Variants in OSMR observed in about 807,000 individuals in gnomAD.
The protein encoded by OSMR is oncostatin M receptor, also known as oncostatin-M-specific receptor subunit beta.
In OSMR, 81 loss-of-function variants were observed where a neutral mutation model predicts 99.9. The observed-to-expected ratio is 0.81, with a 90% CI of 0.68 to 0.97. OSMR has a LOEUF of 0.97. Ranked by LOEUF, OSMR falls within the 50% of genes least tolerant of loss-of-function variation. The pLI, the probability that OSMR is intolerant of heterozygous loss-of-function variation, is 0.00. For synonymous variants in OSMR, 406 were observed against 410.4 expected (o/e 0.99, Z 0.13); for missense variants, 1,099 against 1,153.4 (o/e 0.95, Z 0.68).
At chr5:38,931,741 G>A (rs928449896) in intron 15 of OSMR, 142 bp from the exon 16 acceptor site, 1 of 1,438,232 alleles carries the variant, frequency 7.0e-7, no homozygotes, top group African/African-American at 1.4e-5. Flanking sequence ...CTGAAGTCAG[G>A]CAGAATTCAT....
chr5:38,920,633 A>G (rs1746185196), intron 11 of OSMR, among the ~76,000 whole-genome samples: 2 of 152,216 alleles, frequency 1.3e-5, no homozygotes, highest in Non-Finnish European at 2.9e-5. Context: ...TTGATGCCCT[A>G]TAAAAATGAA....
At chr5:38,913,992 C>T (rs1292893703) in intron 9 of OSMR, among the ~76,000 whole-genome samples, 1 of 151,938 alleles carries the variant, frequency 6.6e-6, no homozygotes, top group Non-Finnish European at 1.5e-5. Context: ...TAAGGGAGGC[C>T]ATTTTCCACA....
At chr5:38,901,841 C>T (rs1435902931) in intron 7 of OSMR, among the ~76,000 whole-genome samples, 1 of 152,126 alleles carries the variant, frequency 6.6e-6, no homozygotes, top group Non-Finnish European at 1.5e-5. Context: ...GTTTGCTGGT[C>T]AATTTGACTA....
chr5:38,917,858 G>C (rs1746004280), intron 10 of OSMR, among the ~76,000 whole-genome samples: 1 of 152,072 alleles, frequency 6.6e-6, no homozygotes, highest in Admixed American at 6.5e-5. Context: ...TTCAACTCAG[G>C]CCAGGCTTGA....
In OSMR at chr5:38,931,939, G is replaced by T; in HGVS notation, c.2269G>T (p.Val757Phe). 6.2e-7 allele frequency: 1 copy of T among 1,613,336 alleles called. No homozygotes were observed. Among genetic ancestry groups the T allele is most frequent in the Non-Finnish European group, 8.5e-7 (1 of 1,179,428 alleles). Residue 757 changes from valine to phenylalanine, a missense_variant, in exon 16 of 18, where the codon GTC (valine) becomes TTC (phenylalanine). Transcript: ENST00000274276. ...PMVFCVLLIM[V>F]MCYLKSQWIK... is the part of the protein sequence containing the mutation. ...GGTTTTCTGCGTCTTGCTCATCATG[G>T]TCATGTGCTACTTGAAAAGTCAGTG...
intron 1 of OSMR, among the ~76,000 whole-genome samples, chr5:38,943,541 C>T (rs920458711): frequency 3.9e-5 from 6 of 152,210 alleles, no homozygotes; most frequent in South Asian, 2.1e-4. Flanking sequence ...TGGCTGGGCA[C>T]GGTGGCTCAT....
At chr5:38,885,547 T>A in intron 6 of OSMR, 63 bp downstream of exon 6, 1 of 1,596,452 alleles carries the variant, frequency 6.3e-7, no homozygotes, top group Non-Finnish European at 8.6e-7. Flanking sequence ...TGTGACAACA[T>A]GGCAAAAATC....
chr5:38,855,336 T>C (rs1740757227), intron 1 of OSMR, among the ~76,000 whole-genome samples: 1 of 152,182 alleles, frequency 6.6e-6, no homozygotes, highest in Non-Finnish European at 1.5e-5. Context: ...TGTATATGCC[T>C]AGCCAGGACC....
chr5:38,918,740 G>C (rs182049785), intron 10 of OSMR, 100 bp from the exon 11 acceptor site: 2 of 1,548,568 alleles, frequency 1.3e-6, no homozygotes, highest in Non-Finnish European at 1.7e-6. Flanking sequence ...TGGTGTGTGC[G>C]TATATAAAGG....
intron 9 of OSMR, among the ~76,000 whole-genome samples, chr5:38,911,613 A>G (rs1404876332): frequency 1.3e-5 from 2 of 152,226 alleles, no homozygotes; most frequent in African/African-American, 2.4e-5. Context: ...CAACAAAAAG[A>G]GAAAACTTCA....
intron 2 of OSMR, among the ~76,000 whole-genome samples, chr5:38,872,214 G>A (rs1742437475): frequency 2.0e-5 from 3 of 152,186 alleles, no homozygotes; most frequent in African/African-American, 7.2e-5. Context: ...GTCCTAGATT[G>A]CTTTTAACCA....
intron 15 of OSMR, 148 bp downstream of exon 15, chr5:38,925,519 CT>C (rs1746436639): frequency 5.4e-6 from 4 of 734,792 alleles, no homozygotes; most frequent in Non-Finnish European, 7.4e-6. Flanking sequence ...TGATGAAACC[CT>C]TTTTGTCACA....
At chr5:38,899,501 G>T (rs534031351) in intron 7 of OSMR, among the ~76,000 whole-genome samples, 1 of 152,234 alleles carries the variant, frequency 6.6e-6, no homozygotes, top group Admixed American at 6.5e-5. Flanking sequence ...CTCACTGTAG[G>T]CACTGTAGTG....
intron 1 of OSMR, among the ~76,000 whole-genome samples, chr5:38,853,953 T>C (rs1740653546): frequency 6.6e-6 from 1 of 151,868 alleles, no homozygotes; most frequent in Non-Finnish European, 1.5e-5. Flanking sequence ...GGAAGGGAAT[T>C]GGAGTGAACA....
intron 5 of OSMR, 101 bp downstream of exon 5, chr5:38,884,212 T>C: frequency 9.9e-7 from 1 of 1,012,134 alleles, no homozygotes; most frequent in Non-Finnish European, 1.6e-6. Context: ...CCCATGATCT[T>C]GATTTTCTTT....
intron 1 of OSMR, among the ~76,000 whole-genome samples, chr5:38,847,653 A>C (rs906329461): frequency 6.7e-6 from 1 of 149,386 alleles, no homozygotes; most frequent in East Asian, 1.9e-4. Context: ...CCTTCTATTC[A>C]GAATCTTCAG....
chr5:38,945,406 GAAT>G (rs1748078030), downstream of OSMR: 1 of 895,398 alleles, frequency 1.1e-6, no homozygotes, highest in African/African-American at 1.7e-5. Flanking sequence ...CTCTGAATTA[GAAT>G]ACCAAAAAGA....
At chr5:38,913,199 G>C (rs1056392815) in intron 9 of OSMR, among the ~76,000 whole-genome samples, 1 of 151,970 alleles carries the variant, frequency 6.6e-6, no homozygotes, top group Non-Finnish European at 1.5e-5. Context: ...CTAATATCCA[G>C]CATCTATAAG....
At chr5:38,906,000 C>T (rs1197170699) in intron 9 of OSMR, among the ~76,000 whole-genome samples, 1 of 152,088 alleles carries the variant, frequency 6.6e-6, no homozygotes, top group East Asian at 1.9e-4. Context: ...CTCCCCGCTT[C>T]CCTGGTGGTG....
Sources: gnomAD v4.1 joint callset for allele counts (sites outside exome capture counted in the v4.1 genomes callset) on GRCh38, gnomAD v4.1.1 for gene constraint, MANE v1.5 for transcripts, NCBI Gene and HGNC (gene_info 2026-07-23, HGNC 2026-07-21) for gene names.